The following CLASP1 variants were observed in gnomAD, a reference collection of about 807,000 sequenced individuals.
The protein encoded by CLASP1 is cytoplasmic linker associated protein 1, also known as CLIP-associating protein 1.
A neutral mutation model predicts 192.3 loss-of-function variants in CLASP1; 38 were observed. The ratio of observed to expected loss-of-function variants is 0.20; its 90% confidence interval spans 0.15 to 0.26. The LOEUF is 0.26. Ranked by LOEUF, CLASP1 falls within the 10% of genes least tolerant of loss-of-function variation. The probability of loss-of-function intolerance (pLI) is 1.00; values close to 1 mark genes in which losing one functional copy is unlikely to be tolerated. For missense variants in CLASP1, 1,433 were observed against 1,932.5 expected, an observed-to-expected ratio of 0.74 and a Z score of 4.85; for synonymous variants, 691 against 712.8, an observed-to-expected ratio of 0.97 and a Z score of 0.49.
intron 1 of CLASP1, among the ~76,000 whole-genome samples, chr2:121,611,855 A>C (rs2065604585): frequency 6.6e-6 from 1 of 150,560 alleles, no homozygotes; most frequent in Admixed American, 6.6e-5. Flanking sequence ...GCATTGGAGG[A>C]GTTACAGGAT....
chr2:121,531,350 C>G (rs549815600), intron 2 of CLASP1, among the ~76,000 whole-genome samples: 1 of 152,264 alleles, frequency 6.6e-6, no homozygotes, highest in African/African-American at 2.4e-5. Context: ...AATCCCAGCA[C>G]TTTGGGAGGC....
intron 34 of CLASP1, among the ~76,000 whole-genome samples, chr2:121,368,852 T>C (rs1004116897): frequency 6.6e-6 from 1 of 152,246 alleles, no homozygotes; most frequent in Non-Finnish European, 1.5e-5. Context: ...TTTTGATCAT[T>C]CCTAACATAC....
rs1384660191 is a variant in CLASP1 at position 121,364,818 on chromosome 2, T to C, written c.4077+276A>G. On this transcript the variant is annotated intron_variant, in intron 36 of 39. Transcript: ENST00000263710. Reference sequence around the variant, plus strand: ...ATGCTAATAAAGTTTTAAGAAATTCTGTGTTAAAGCAACTAGATGCAGGAA... The same window carrying C: ...ATGCTAATAAAGTTTTAAGAAATTCCGTGTTAAAGCAACTAGATGCAGGAA... 4 of 434,702 alleles carry C rather than the reference T, an allele frequency of 9.2e-6. No homozygotes were observed. In the East Asian group the frequency reaches 1.7e-4, roughly 18 times the overall value. The allele number at this position is 434,702 out of a possible 1,614,324, so 26.9% of individuals were successfully genotyped here.
At chr2:121,518,801 C>A (rs2094389769) in intron 6 of CLASP1, among the ~76,000 whole-genome samples, 2 of 152,172 alleles carry the variant, frequency 1.3e-5, no homozygotes, top group African/African-American at 4.8e-5. Context: ...TCGCTTGAAC[C>A]CAGGAGGCAG....
At chr2:121,515,578 A>G (rs2094265826) in intron 7 of CLASP1, 87 bp downstream of exon 7, 10 of 1,005,128 alleles carry the variant, frequency 9.9e-6, no homozygotes, top group Non-Finnish European at 1.4e-5. Flanking sequence ...CACAACAGAA[A>G]AAGTATTGCA....
At chr2:121,570,030 G>A (rs2059847124) in intron 2 of CLASP1, among the ~76,000 whole-genome samples, 1 of 152,154 alleles carries the variant, frequency 6.6e-6, no homozygotes, top group African/African-American at 2.4e-5. Flanking sequence ...TTCTGCATCT[G>A]TCAAAGGAAG....
At chr2:121,503,066 A>G (rs1193056685) in intron 8 of CLASP1, 101 bp downstream of exon 8, 1 of 738,414 alleles carries the variant, frequency 1.4e-6, no homozygotes. Flanking sequence ...TAAGACTTAG[A>G]AACTCTTACT....
intron 7 of CLASP1, among the ~76,000 whole-genome samples, chr2:121,507,474 A>G (rs1490180526): frequency 6.6e-6 from 1 of 152,218 alleles, no homozygotes; most frequent in Non-Finnish European, 1.5e-5. Flanking sequence ...ACATAGTCAC[A>G]TAACAGAAGT....
At position 121,407,687 on chromosome 2, in the gene CLASP1, G is replaced by A. The variant is rs372334996; in HGVS notation, c.2453C>T (p.Pro818Leu). ...ATCATCGTCAGAATACATCCCATAC[G>A]GCTCATATCTCCTCCTCACAGGCTT... The change falls in exon 25 of 40, where the codon CCG becomes CTG. Residue 818 changes from proline to leucine, a missense_variant. Physicochemically the swap from Pro to Leu is moderately conservative, Grantham distance 98. Coordinates refer to ENST00000263710, the Ensembl canonical transcript of CLASP1. 11 of 1,613,764 alleles carry A rather than the reference G, an allele frequency of 6.8e-6. No individual in the cohort carries two copies. In the African/African-American group the frequency reaches 9.3e-5, roughly 14 times the overall value.
intron 2 of CLASP1, among the ~76,000 whole-genome samples, chr2:121,531,895 TAGTG>T (rs1028619941): frequency 2.0e-5 from 3 of 151,630 alleles, no homozygotes; most frequent in Non-Finnish European, 2.9e-5. Context: ...AAATGTGAAA[TAGTG>T]AGCTTTTTGT....
At chr2:121,609,319 G>A (rs879763817) in intron 1 of CLASP1, among the ~76,000 whole-genome samples, 20 of 152,104 alleles carry the variant, frequency 1.3e-4, no homozygotes, top group Non-Finnish European at 2.9e-4. Flanking sequence ...CTTCTTGAAC[G>A]TAATTATGCA....
At chr2:121,384,007 TAC>T (rs771174974) in intron 32 of CLASP1, among the ~76,000 whole-genome samples, 4,354 of 139,638 alleles carry the variant, frequency 0.031, 117 homozygotes, top group African/African-American at 0.06. Flanking sequence ...TATATATATA[TAC>T]ACACACACAC....
chr2:121,443,490 T>C (rs947774068), intron 19 of CLASP1, among the ~76,000 whole-genome samples: 1 of 152,214 alleles, frequency 6.6e-6, no homozygotes, highest in African/African-American at 2.4e-5. Flanking sequence ...ATTGTTTCTT[T>C]GGGCAGGAGA....
chr2:121,392,795 A>G (rs1032201457), intron 30 of CLASP1, among the ~76,000 whole-genome samples: 22 of 152,290 alleles, frequency 1.4e-4, no homozygotes, highest in Admixed American at 1.2e-3. Flanking sequence ...TCACACAACT[A>G]AACTAGTCAG....
intron 2 of CLASP1, among the ~76,000 whole-genome samples, chr2:121,537,290 G>A (rs1035053302): frequency 6.6e-6 from 1 of 151,962 alleles, no homozygotes. Flanking sequence ...TACTCGCATC[G>A]CTGAGGAGAG....
intron 2 of CLASP1, among the ~76,000 whole-genome samples, chr2:121,571,899 C>T (rs185723902): frequency 3.3e-5 from 5 of 151,964 alleles, no homozygotes; most frequent in African/African-American, 9.6e-5. Context: ...GAACTCAAGG[C>T]TTCGGAGCAG....
chr2:121,470,052 A>C, intron 8 of CLASP1, 92 bp from the exon 9 acceptor site: 1 of 1,038,014 alleles, frequency 9.6e-7, no homozygotes, highest in Non-Finnish European at 1.4e-6. Flanking sequence ...TAAAACAATT[A>C]GTCTTCGAGA....
chr2:121,606,784 G>A (rs1037899826), intron 1 of CLASP1, among the ~76,000 whole-genome samples: 10 of 152,354 alleles, frequency 6.6e-5, no homozygotes, highest in Admixed American at 3.3e-4. Context: ...GGAGGTGGGC[G>A]CAGTGGCTCA....
At position 121,598,029 on chromosome 2, in the gene CLASP1, G is replaced by A. The variant is rs112809692; in HGVS notation, c.195+7672C>T. 5.7e-3 allele frequency among the ~76,000 whole-genome samples: 862 copies of A among 152,318 alleles called. 6 individuals are homozygous for A. Among genetic ancestry groups the A allele is most frequent in the African/African-American group, 0.02 (812 of 41,556 alleles). ...CCCCACCACTTTTCCCTTTCTGCAAGTTTTAAGGCAGACAGGAAGAGGAGA... is the reference window on the plus strand; with the variant it reads ...CCCCACCACTTTTCCCTTTCTGCAAATTTTAAGGCAGACAGGAAGAGGAGA... On this transcript the variant is annotated intron_variant, in intron 2 of 39. Coordinates refer to ENST00000263710, the Ensembl canonical transcript of CLASP1.
Sources: gnomAD v4.1 joint callset for allele counts (sites outside exome capture counted in the v4.1 genomes callset) on GRCh38, gnomAD v4.1.1 for gene constraint, MANE v1.5 for transcripts, NCBI Gene and HGNC (gene_info 2026-07-23, HGNC 2026-07-21) for gene names.